The following GJA3 variants were observed in gnomAD, a reference collection of about 807,000 sequenced individuals.
GJA3 encodes the protein gap junction protein alpha 3, also known as gap junction alpha-3 protein.
For synonymous variants in GJA3, 297 were observed against 292.6 expected (o/e 1.02, Z -0.15); for missense variants, 571 against 620.3 (o/e 0.92, Z 0.84).
At chr13:20,144,212 C>A (rs1389295591) in intron 1 of GJA3, among the ~76,000 whole-genome samples, 1 of 152,204 alleles carries the variant, frequency 6.6e-6, no homozygotes, top group Non-Finnish European at 1.5e-5. Flanking sequence ...TGACCGAATG[C>A]CCACACTGGA....
intron 1 of GJA3, among the ~76,000 whole-genome samples, chr13:20,155,424 A>C (rs1184750623): frequency 6.6e-6 from 1 of 152,150 alleles, no homozygotes; most frequent in Non-Finnish European, 1.5e-5. Flanking sequence ...AACTGTTACT[A>C]ACATACGTAG....
At chr13:20,155,340 A>C (rs1417215052) in intron 1 of GJA3, among the ~76,000 whole-genome samples, 1 of 152,188 alleles carries the variant, frequency 6.6e-6, no homozygotes, top group Non-Finnish European at 1.5e-5. Context: ...AATCTCCTAT[A>C]GAAGAGTTTG....
At chr13:20,154,520 C>T (rs1958897288) in intron 1 of GJA3, among the ~76,000 whole-genome samples, 1 of 152,142 alleles carries the variant, frequency 6.6e-6, no homozygotes, top group African/African-American at 2.4e-5. Flanking sequence ...AAATTTGTCT[C>T]TTCCTTTCCT....
intron 1 of GJA3, among the ~76,000 whole-genome samples, chr13:20,144,325 C>T (rs761242333): frequency 6.6e-5 from 10 of 152,150 alleles, no homozygotes; most frequent in Non-Finnish European, 1.0e-4. Context: ...TCAGCAGAGC[C>T]GGGCCTTCAG....
Position 20,152,198 on chromosome 13 carries a change from C to T in GJA3, c.-18+8692G>A, listed in dbSNP as rs117689379. Among the ~76,000 whole-genome samples the T allele has an allele frequency of 7.5e-3, 1,137 of 152,072 alleles. 11 individuals carry two copies. The highest frequency in any genetic ancestry group is 0.01 in the Non-Finnish European group (692 of 67,968). On this transcript the variant is annotated intron_variant, in intron 1 of 1. Transcript: ENST00000241125. ...CATTGAAGGGCAGGGGAGGAGGAAA[C>T]GGGGGCGACAGTAAAGCCCAGGGGT...
Position 20,142,385 on chromosome 13 carries a change from G to C in GJA3, c.904C>G (p.Leu302Val), listed in dbSNP as rs1261147295. Reference sequence around the variant, plus strand: ...TGGCCCTTTCCGCGCGCCTCGGTCAGGGCTAGCAGTTTGAAGTCCGCGGCT... The same window carrying C: ...TGGCCCTTTCCGCGCGCCTCGGTCACGGCTAGCAGTTTGAAGTCCGCGGCT... Reference protein sequence around the residue: ...PPAADFKLLALTEARGKGQSA... With the variant: ...PPAADFKLLAVTEARGKGQSA... The change falls in exon 2 of 2, where the codon CTG becomes GTG. Residue 302 changes from leucine to valine, a missense_variant. Coordinates refer to ENST00000241125, the MANE Select transcript of GJA3 (RefSeq NM_021954.4). 2 of 1,525,986 alleles carry C rather than the reference G, an allele frequency of 1.3e-6. No individual in the cohort carries two copies. The highest frequency in any genetic ancestry group is 2.4e-5 in the East Asian group (1 of 40,904). The allele number at this position is 1,525,986 out of a possible 1,614,324, so 94.5% of individuals were successfully genotyped here.
chr13:20,154,753 G>A (rs1958898447), intron 1 of GJA3, among the ~76,000 whole-genome samples: 1 of 152,140 alleles, frequency 6.6e-6, no homozygotes, highest in South Asian at 2.1e-4. Flanking sequence ...TTTAAACTAT[G>A]AATGACTACT....
rs1958812464 is a variant in GJA3 at position 20,142,231 on chromosome 13, C to A, written c.1058G>T (p.Ser353Ile). The stretch of plus-strand genomic sequence containing the variant: ...TGGCGGGGAGCTGCTGCCGACGGGG[C>A]TGGGGGCTGCAGGCGTGGACGCTGC... Reference protein sequence around the residue: ...YPAASTPAAPSPVGSSSPPLA... With the variant: ...YPAASTPAAPIPVGSSSPPLA... Residue 353 changes from serine to isoleucine, a missense_variant, in exon 2 of 2, where the codon AGC becomes ATC. By Grantham distance (142) the Ser-to-Ile change is moderately radical. Coordinates refer to ENST00000241125, the MANE Select transcript of GJA3 (RefSeq NM_021954.4). 2 of 1,529,326 alleles carry A rather than the reference C, an allele frequency of 1.3e-6. No individual in the cohort carries two copies. Among genetic ancestry groups the A allele is most frequent in the Admixed American group, 4.0e-5 (2 of 49,436 alleles). 94.7% of individuals were successfully genotyped at this position (1,529,326 alleles called of 1,614,324 possible).
Position 20,141,846 on chromosome 13 carries a change from G to C in GJA3, c.*135C>G, listed in dbSNP as rs1958808789. On this transcript the variant is annotated 3_prime_UTR_variant, in exon 2 of 2. Transcript: ENST00000241125. ...ACGGAAACCTGATCTCTCCTCCATC[G>C]TCCACCTCCTGGGACTCCAGTCGCT... 4 of 1,303,096 alleles carry C rather than the reference G, an allele frequency of 3.1e-6. No homozygotes were observed. 80.7% of individuals were successfully genotyped at this position (1,303,096 alleles called of 1,614,324 possible). A position where few individuals can be genotyped will look rare whatever the true frequency, so the allele number is the denominator to read the frequency against.
Position 20,140,446 on chromosome 13 carries a change from G to A in GJA3, c.*1535C>T, listed in dbSNP as rs1190517873. 5 of 152,244 alleles carry A rather than the reference G, an allele frequency of 3.3e-5. No individual in the cohort carries two copies. In the East Asian group the frequency reaches 9.6e-4, roughly 29 times the overall value. The allele number at this position is 152,244 out of a possible 1,614,324, so 9.4% of individuals were successfully genotyped here. On this transcript the variant is annotated 3_prime_UTR_variant, in exon 2 of 2. Coordinates refer to ENST00000241125, the MANE Select transcript of GJA3 (RefSeq NM_021954.4). The stretch of plus-strand genomic sequence containing the variant: ...GGAGTGTGGTCCCAAATGCATCATC[G>A]AGAAGTTAATTTATAAAAAGAAATG...
chr13:20,142,580 G>T lies in GJA3; in HGVS notation c.709C>A (p.Arg237Ser), dbSNP rs1314893934. Reference sequence around the variant, plus strand: ...GCCTCGGAGGCGTCCGGGCCGAGGCGGCTGGTCACGCCCTGCTTGAGCTTC... The same window carrying T: ...GCCTCGGAGGCGTCCGGGCCGAGGCTGCTGGTCACGCCCTGCTTGAGCTTC... ...WKKLKQGVTSRLGPDASEAPL... is the reference protein window; with the variant it reads ...WKKLKQGVTSSLGPDASEAPL... The change falls in exon 2 of 2, where the codon CGC (arginine) becomes AGC (serine). Residue 237 changes from arginine to serine, a missense_variant. Arg to Ser is a moderately radical substitution (Grantham distance 110, BLOSUM62 -1). Coordinates refer to ENST00000241125, the MANE Select transcript of GJA3 (RefSeq NM_021954.4). The T allele has an allele frequency of 5.6e-6, 9 of 1,605,062 alleles. No individual in the cohort carries two copies. The highest frequency in any genetic ancestry group is 7.7e-6 in the Non-Finnish European group (9 of 1,176,460).
chr13:20,142,303 G>A lies in GJA3; in HGVS notation c.986C>T (p.Ala329Val). The A allele has an allele frequency of 1.9e-6, 3 of 1,573,602 alleles. No individual in the cohort carries two copies. Among genetic ancestry groups the A allele is most frequent in the South Asian group, 1.2e-5 (1 of 85,848 alleles). Residue 329 changes from alanine to valine, a missense_variant, in exon 2 of 2, where the codon GCC becomes GTC. Coordinates refer to ENST00000241125, the MANE Select transcript of GJA3 (RefSeq NM_021954.4). ...GGGCTGCCGCTCGGCCGCCTGGTTG[G>A]CCCAGTTCTGCTCAGTCATCAGCAG... Reference protein sequence around the residue: ...HHLLMTEQNWANQAAERQPPA... With the variant: ...HHLLMTEQNWVNQAAERQPPA...
intron 1 of GJA3, among the ~76,000 whole-genome samples, chr13:20,160,228 C>T (rs1236194132): frequency 6.6e-6 from 1 of 152,190 alleles, no homozygotes; most frequent in Non-Finnish European, 1.5e-5. Context: ...TTCCACTCCT[C>T]TGCAAATTCC....
At chr13:20,157,855 T>A (rs1958914967) in intron 1 of GJA3, among the ~76,000 whole-genome samples, 1 of 150,844 alleles carries the variant, frequency 6.6e-6, no homozygotes, top group South Asian at 2.1e-4. Context: ...GCCCAATTAC[T>A]TCATCACAAA....
In GJA3 at chr13:20,141,618, CCAGGAGCTAAAGGGACTG is replaced by C. The variant is rs1483816827; in HGVS notation, c.*345_*362del. 1 of 217,544 alleles carries C rather than the reference CCAGGAGCTAAAGGGACTG, an allele frequency of 4.6e-6. No homozygotes were observed. Among genetic ancestry groups the C allele is most frequent in the Non-Finnish European group, 9.0e-6 (1 of 110,948 alleles). 13.5% of individuals were successfully genotyped at this position (217,544 alleles called of 1,614,324 possible). ...GCTTAGGAATAGCAAACCCAATTGC[CCAGGAGCTAAAGGGACTG>C]CAGGATACCTGTTGCTTTACCACTA... is the stretch of plus-strand genomic sequence containing the variant. On this transcript the variant is annotated 3_prime_UTR_variant, in exon 2 of 2. Transcript: ENST00000241125.
intron 1 of GJA3, among the ~76,000 whole-genome samples, chr13:20,149,920 T>G (rs1399327438): frequency 1.3e-5 from 2 of 152,154 alleles, no homozygotes; most frequent in East Asian, 3.9e-4. Flanking sequence ...AGGCTGGAAG[T>G]GCTCTTCACG....
chr13:20,150,818 C>T (rs1203077745), intron 1 of GJA3, among the ~76,000 whole-genome samples: 4 of 152,130 alleles, frequency 2.6e-5, no homozygotes, highest in South Asian at 2.1e-4. Context: ...GCCTCTGAGG[C>T]AGGGGTGACT....
chr13:20,145,410 C>G (rs1226159697), intron 1 of GJA3, among the ~76,000 whole-genome samples: 2 of 152,116 alleles, frequency 1.3e-5, no homozygotes, highest in Admixed American at 1.3e-4. Context: ...TTCTTGTGTT[C>G]TAAGGAGGTA....
At chr13:20,157,072 C>A (rs1230068779) in intron 1 of GJA3, among the ~76,000 whole-genome samples, 1 of 152,194 alleles carries the variant, frequency 6.6e-6, no homozygotes, top group Non-Finnish European at 1.5e-5. Context: ...AACATTTATT[C>A]AGACATTTTA....
Sources: gnomAD v4.1 joint callset for allele counts (sites outside exome capture counted in the v4.1 genomes callset) on GRCh38, gnomAD v4.1.1 for gene constraint, MANE v1.5 for transcripts, NCBI Gene and HGNC (gene_info 2026-07-23, HGNC 2026-07-21) for gene names.